NDST4: variants seen among roughly 807,000 people sequenced by gnomAD.
The protein encoded by NDST4 is N-deacetylase and N-sulfotransferase 4.
A neutral mutation model predicts 100.8 loss-of-function variants in NDST4; 63 were observed. The observed-to-expected ratio is 0.62, with a 90% CI of 0.51 to 0.77. NDST4 has a LOEUF of 0.77. Among genes scored for constraint, NDST4 ranks in the 30% least tolerant of loss-of-function variants. NDST4 has a pLI of 0.00. For missense variants in NDST4, 943 were observed against 1,018.4 expected (o/e 0.93, Z 1.01); for synonymous variants, 377 against 361.8 (o/e 1.04, Z -0.48).
intron 6 of NDST4, among the ~76,000 whole-genome samples, chr4:114,891,673 G>A (rs1390413574): frequency 1.3e-5 from 2 of 151,912 alleles, no homozygotes; most frequent in African/African-American, 4.8e-5. Flanking sequence ...CTTTGTTCTA[G>A]AACTTCATTC....
chr4:115,077,583 A>C (rs1005226915), intron 1 of NDST4, among the ~76,000 whole-genome samples: 3 of 152,166 alleles, frequency 2.0e-5, no homozygotes, highest in African/African-American at 7.2e-5. Flanking sequence ...AGAAGTAAGA[A>C]AGTAAGCTTT....
At chr4:115,061,775 A>T (rs1431023543) in intron 2 of NDST4, among the ~76,000 whole-genome samples, 1 of 152,064 alleles carries the variant, frequency 6.6e-6, no homozygotes, top group African/African-American at 2.4e-5. Flanking sequence ...TGTATCCCAG[A>T]ACTTAAAGTA....
At chr4:114,845,031 T>C (rs1723513455) in intron 10 of NDST4, among the ~76,000 whole-genome samples, 1 of 150,480 alleles carries the variant, frequency 6.6e-6, no homozygotes, top group Non-Finnish European at 1.5e-5. Context: ...GTTGTCAAGA[T>C]ACTAAAAAAA....
rs543424241 is a variant in NDST4 at position 115,093,281 on chromosome 4, C to T, written c.-246-15999G>A. On this transcript the variant is annotated intron_variant, in intron 1 of 13. Coordinates refer to ENST00000264363, the MANE Select transcript of NDST4 (RefSeq NM_022569.3). ...ATGAGGTCAGGAGATCGAGACTATC[C>T]TGGCTAACACGGTGAAACCCCATCT... Among the ~76,000 whole-genome samples the T allele has an allele frequency of 3.9e-4, 60 of 152,146 alleles. 1 individual carries two copies. The South Asian group carries it at 0.012, about 30-fold the overall frequency.
chr4:115,046,580 G>T (rs908307080), intron 2 of NDST4, among the ~76,000 whole-genome samples: 1 of 152,006 alleles, frequency 6.6e-6, no homozygotes, highest in African/African-American at 2.4e-5. Flanking sequence ...CATTAATCAA[G>T]GTACCATAAA....
chr4:114,953,014 T>G (rs1726052612), intron 4 of NDST4, among the ~76,000 whole-genome samples: 1 of 148,092 alleles, frequency 6.8e-6, no homozygotes, highest in Non-Finnish European at 1.5e-5. Context: ...TTGGCTCATT[T>G]TTTTTCTTTT....
At chr4:114,830,676 G>A (rs2126179267) in intron 12 of NDST4, among the ~76,000 whole-genome samples, 1 of 152,272 alleles carries the variant, frequency 6.6e-6, no homozygotes, top group Non-Finnish European at 1.5e-5. Flanking sequence ...GAACCAAATA[G>A]GAAGGGAAAT....
At position 114,942,076 on chromosome 4, in the gene NDST4, T is replaced by C. The variant is rs573799283; in HGVS notation, c.1222-4573A>G. Among the ~76,000 whole-genome samples the C allele has an allele frequency of 3.3e-5, 5 of 152,354 alleles. No individual in the cohort carries two copies. The South Asian group carries it at 8.3e-4, about 25-fold the overall frequency. On this transcript the variant is annotated intron_variant, in intron 4 of 13. Transcript: ENST00000264363. ...GTATTTTTCTAGCTGGATACTATCA[T>C]GTAATGTATGTGACTGTTAAATGTC...
At chr4:115,017,216 G>C (rs1727697747) in intron 2 of NDST4, among the ~76,000 whole-genome samples, 1 of 152,016 alleles carries the variant, frequency 6.6e-6, no homozygotes, top group Non-Finnish European at 1.5e-5. Flanking sequence ...AGAACACACT[G>C]TTTAATAAAG....
At chr4:115,023,485 C>CA (rs61136345) in intron 2 of NDST4, among the ~76,000 whole-genome samples, 1,170 of 89,440 alleles carry the variant, frequency 0.013, 11 homozygotes, top group Middle Eastern at 0.022. Flanking sequence ...AATTCCATCT[C>CA]AAAAAAAAAA....
rs577644938 is a variant in NDST4, at chr4:114,845,040, A to C, written c.2115+783T>G. On this transcript the variant is annotated intron_variant, in intron 10 of 13. Transcript: ENST00000264363. ...ATAATTGTTGTCAAGATACTAAAAAAAAGAATGGGCTGGGCTTGGTGGCTC... is the reference window on the plus strand; with the variant it reads ...ATAATTGTTGTCAAGATACTAAAAACAAGAATGGGCTGGGCTTGGTGGCTC... 2.0e-4 allele frequency among the ~76,000 whole-genome samples: 30 copies of C among 152,284 alleles called. No individual in the cohort carries two copies. The South Asian group carries it at 6.2e-3, about 32-fold the overall frequency.
chr4:114,963,305 T>A (rs930213153), intron 4 of NDST4, among the ~76,000 whole-genome samples: 9 of 152,122 alleles, frequency 5.9e-5, no homozygotes, highest in African/African-American at 2.2e-4. Flanking sequence ...TTAAAAACAT[T>A]ATGCTAAGTG....
chr4:115,031,951 C>T (rs767862048), intron 2 of NDST4, among the ~76,000 whole-genome samples: 1 of 152,050 alleles, frequency 6.6e-6, no homozygotes, highest in Non-Finnish European at 1.5e-5. Flanking sequence ...CTAGAGGTTA[C>T]TGAAGACCAG....
At chr4:114,958,427 A>G (rs1218758393) in intron 4 of NDST4, among the ~76,000 whole-genome samples, 1 of 152,066 alleles carries the variant, frequency 6.6e-6, no homozygotes, top group African/African-American at 2.4e-5. Context: ...ACGTAGCAAG[A>G]GTCACCTTTA....
chr4:114,871,333 G>A (rs186395914), intron 6 of NDST4, among the ~76,000 whole-genome samples: 40 of 151,632 alleles, frequency 2.6e-4, no homozygotes, highest in African/African-American at 9.0e-4. Flanking sequence ...TATGTGTACA[G>A]GTTGAAATAG....
At chr4:114,995,646 A>G (rs948013484) in intron 2 of NDST4, among the ~76,000 whole-genome samples, 2 of 152,128 alleles carry the variant, frequency 1.3e-5, no homozygotes, top group African/African-American at 4.8e-5. Flanking sequence ...GAATTCTCCA[A>G]AATGATCTTC....
At chr4:115,108,621 A>T (rs1326065007) in intron 1 of NDST4, among the ~76,000 whole-genome samples, 6 of 151,878 alleles carry the variant, frequency 4.0e-5, no homozygotes, top group Admixed American at 3.9e-4. Flanking sequence ...AAAAGATGTG[A>T]CTGATATTAA....
chr4:115,022,011 CCA>C (rs1727841335), intron 2 of NDST4, among the ~76,000 whole-genome samples: 1 of 139,002 alleles, frequency 7.2e-6, no homozygotes, highest in Non-Finnish European at 1.5e-5. Flanking sequence ...TATATATGTT[CCA>C]TATCTCTATG....
chr4:114,933,887 C>T (rs113078387), intron 6 of NDST4, among the ~76,000 whole-genome samples: 200 of 152,202 alleles, frequency 1.3e-3, no homozygotes, highest in African/African-American at 4.3e-3. Flanking sequence ...GAAAGGGGAA[C>T]ATTTGAACAC....
Sources: allele counts gnomAD v4.1 joint callset (sites outside exome capture counted in the v4.1 genomes callset), GRCh38; gene constraint gnomAD v4.1.1; transcripts MANE v1.5; gene names NCBI Gene and HGNC (gene_info 2026-07-23, HGNC 2026-07-21).